ADCK5: variants seen among roughly 807,000 people sequenced by gnomAD.
The protein encoded by ADCK5 is aarF domain containing kinase 5.
Under a neutral mutation model 64.9 loss-of-function variants are expected in ADCK5, and 43 were observed. The ratio of observed to expected loss-of-function variants is 0.66; its 90% confidence interval spans 0.52 to 0.85. ADCK5 has a LOEUF of 0.85. ADCK5 is among the 40% of genes least tolerant of loss of function. The pLI is 0.00. For missense variants in ADCK5, 760 were observed against 810.5 expected, an observed-to-expected ratio of 0.94 and a Z score of 0.76; for synonymous variants, 434 against 342.8, an observed-to-expected ratio of 1.27 and a Z score of -2.94.
intron 12 of ADCK5, 28 bp from the exon 13 acceptor site, chr8:144,392,417 C>CAACCAACCCA: frequency 7.5e-7 from 1 of 1,325,716 alleles, no homozygotes; most frequent in Non-Finnish European, 9.8e-7. Context: ...TCAGAGCCCC[C>CAACCAACCCA]TCCCTCCCTC....
chr8:144,379,542 C>T (rs1819510018), intron 2 of ADCK5, 52 bp downstream of exon 2: 3 of 1,422,150 alleles, frequency 2.1e-6, no homozygotes, highest in Non-Finnish European at 2.9e-6. Context: ...GCATGGATGG[C>T]GTCTGTGTGC....
Position 144,392,531 on chromosome 8 carries a change from G to A in ADCK5, c.1354G>A (p.Ala452Thr), listed in dbSNP as rs1554861328. 1.3e-6 allele frequency: 2 copies of A among 1,557,086 alleles called. No homozygotes were observed. Among genetic ancestry groups the A allele is most frequent in the Admixed American group, 3.7e-5 (2 of 53,770 alleles). Residue 452 changes from alanine to threonine, a missense_variant, in exon 13 of 15, where the codon GCG becomes ACG. Ala to Thr is a moderately conservative substitution (Grantham distance 58). Coordinates refer to ENST00000308860, the MANE Select transcript of ADCK5 (RefSeq NM_174922.5). The part of the protein sequence containing the change: ...WGSHLLSREE[A>T]AYMVDMARER... Reference sequence around the variant, plus strand: ...CTCGCACCTACTGAGCCGCGAAGAGGCGGCCTACATGGTGGACATGGCCCG... The same window carrying A: ...CTCGCACCTACTGAGCCGCGAAGAGACGGCCTACATGGTGGACATGGCCCG...
intron 1 of ADCK5, among the ~76,000 whole-genome samples, chr8:144,378,229 G>A (rs1192098160): frequency 6.6e-6 from 1 of 152,184 alleles, no homozygotes; most frequent in African/African-American, 2.4e-5. Flanking sequence ...TGATCCCAGC[G>A]GTGCTGGCAG....
At chr8:144,379,522 AC>A in intron 2 of ADCK5, 32 bp downstream of exon 2, 1 of 1,525,740 alleles carries the variant, frequency 6.6e-7, no homozygotes, top group Admixed American at 1.8e-5. Context: ...TGCGCCTCTC[AC>A]CCAGGCAGGC....
chr8:144,388,874 T>C (rs1554859808), intron 3 of ADCK5, among the ~76,000 whole-genome samples: 1 of 152,036 alleles, frequency 6.6e-6, no homozygotes, highest in African/African-American at 2.4e-5. Flanking sequence ...CCTGGGTTGA[T>C]GGGGGACACA....
At chr8:144,388,797 T>C (rs1007450099) in intron 3 of ADCK5, among the ~76,000 whole-genome samples, 2 of 150,504 alleles carry the variant, frequency 1.3e-5, no homozygotes, top group African/African-American at 2.4e-5. Context: ...AACCCTGGCC[T>C]AACCCAAGCA....
intron 1 of ADCK5, among the ~76,000 whole-genome samples, chr8:144,378,606 G>A (rs1178434781): frequency 2.0e-5 from 3 of 152,114 alleles, no homozygotes; most frequent in Admixed American, 6.5e-5. Flanking sequence ...CAGGCCAGGT[G>A]CGGTGGCTTA....
upstream of ADCK5, chr8:144,374,005 G>A: frequency 2.5e-6 from 3 of 1,222,310 alleles, no homozygotes; most frequent in South Asian, 4.2e-5. Flanking sequence ...TGGCTCCGGC[G>A]CGTGCGCACT....
chr8:144,382,080 A>C (rs1819687347), intron 2 of ADCK5, among the ~76,000 whole-genome samples: 1 of 138,248 alleles, frequency 7.2e-6, no homozygotes, highest in African/African-American at 3.1e-5. Flanking sequence ...CCGGGTGTAG[A>C]AACAGATGTG....
intron 3 of ADCK5, among the ~76,000 whole-genome samples, chr8:144,383,679 C>T (rs1339174894): frequency 1.3e-5 from 2 of 152,176 alleles, no homozygotes; most frequent in East Asian, 1.9e-4. Flanking sequence ...TGGGCAAAAT[C>T]GGGTTATTGC....
intron 1 of ADCK5, among the ~76,000 whole-genome samples, chr8:144,377,100 CA>C (rs1244724719): frequency 6.6e-6 from 1 of 152,240 alleles, no homozygotes; most frequent in African/African-American, 2.4e-5. Flanking sequence ...TGCCACGGGG[CA>C]TGACTGGCTA....
intron 3 of ADCK5, among the ~76,000 whole-genome samples, chr8:144,388,032 T>TC (rs1554859585): frequency 6.6e-6 from 1 of 151,794 alleles, no homozygotes; most frequent in Non-Finnish European, 1.5e-5. Context: ...ACACCCGGCC[T>TC]CCAACATTTT....
chr8:144,380,197 T>C (rs1420732162), intron 2 of ADCK5, among the ~76,000 whole-genome samples: 1 of 152,108 alleles, frequency 6.6e-6, no homozygotes, highest in African/African-American at 2.4e-5. Context: ...TAGAAACAGA[T>C]GTGTGCTCAG....
intron 3 of ADCK5, among the ~76,000 whole-genome samples, chr8:144,385,121 A>C (rs567107279): frequency 6.6e-6 from 1 of 151,924 alleles, no homozygotes; most frequent in South Asian, 2.1e-4. Flanking sequence ...GGAAGGTGGA[A>C]GGTTTGGGAC....
chr8:144,383,301 C>A, intron 3 of ADCK5, 71 bp downstream of exon 3: 1 of 1,455,968 alleles, frequency 6.9e-7, no homozygotes, highest in Non-Finnish European at 9.1e-7. Context: ...GGATTGCCTG[C>A]TCCAGATGCC....
At chr8:144,389,292 C>T (rs555799451) in intron 3 of ADCK5, 1 of 456,618 alleles carries the variant, frequency 2.2e-6, no homozygotes. Flanking sequence ...TGGAGACCCA[C>T]CCTCCTGGTG....
At chr8:144,379,646 G>A (rs2130691422) in intron 2 of ADCK5, among the ~76,000 whole-genome samples, 156 bp downstream of exon 2, 1 of 152,312 alleles carries the variant, frequency 6.6e-6, no homozygotes, top group Non-Finnish European at 1.5e-5. Flanking sequence ...GGTGCACTGG[G>A]ACCAAAGACC....
At chr8:144,377,781 C>G (rs1305805060) in intron 1 of ADCK5, among the ~76,000 whole-genome samples, 4 of 152,192 alleles carry the variant, frequency 2.6e-5, no homozygotes, top group Non-Finnish European at 1.5e-5. Context: ...GAACAGTGAC[C>G]TACGTAGGCC....
intron 3 of ADCK5, among the ~76,000 whole-genome samples, chr8:144,386,869 G>A (rs1325439706): frequency 6.6e-6 from 1 of 152,224 alleles, no homozygotes; most frequent in Non-Finnish European, 1.5e-5. Context: ...TATCACTCAG[G>A]AAATCCCAAG....
Sources: allele counts gnomAD v4.1 joint callset (sites outside exome capture counted in the v4.1 genomes callset), GRCh38; gene constraint gnomAD v4.1.1; transcripts MANE v1.5; gene names NCBI Gene and HGNC (gene_info 2026-07-23, HGNC 2026-07-21).